PSMB7: variants seen among roughly 807,000 people sequenced by gnomAD.
PSMB7 encodes the protein proteasome 20S subunit beta 7.
In PSMB7, 5 loss-of-function variants were observed where a neutral mutation model predicts 28.1. The ratio of observed to expected loss-of-function variants is 0.18; its 90% CI spans 0.09 to 0.37. The LOEUF is 0.37. Among genes scored for constraint, PSMB7 ranks in the 10% least tolerant of loss-of-function variants. PSMB7 has a pLI of 1.00. For missense variants in PSMB7, 275 were observed against 346.2 expected (o/e 0.79, Z 1.63); for synonymous variants, 122 against 123.7 (o/e 0.99, Z 0.09).
intron 5 of PSMB7, among the ~76,000 whole-genome samples, chr9:124,401,344 T>C (rs12344916): frequency 0.27 from 41,142 of 152,200 alleles, 6,929 homozygotes; most frequent in Admixed American, 0.36. Context: ...GGGGCACTTA[T>C]CACAATGCAT....
intron 5 of PSMB7, among the ~76,000 whole-genome samples, chr9:124,391,725 G>C (rs777704528): frequency 1.3e-5 from 2 of 151,192 alleles, no homozygotes; most frequent in East Asian, 3.9e-4. Flanking sequence ...ACCAGGATTA[G>C]TAACTCACTT....
chr9:124,353,740 A>C, intron 7 of PSMB7, 31 bp from the exon 8 acceptor site: 2 of 1,509,536 alleles, frequency 1.3e-6, no homozygotes, highest in Non-Finnish European at 9.2e-7. Flanking sequence ...GCACAGAGTT[A>C]GGATTCTCCT....
chr9:124,404,631 T>A (rs1830944802), intron 5 of PSMB7, among the ~76,000 whole-genome samples: 1 of 152,114 alleles, frequency 6.6e-6, no homozygotes, highest in African/African-American at 2.4e-5. Flanking sequence ...GTGGGCAGAT[T>A]ACTTGAAGTC....
intron 4 of PSMB7, among the ~76,000 whole-genome samples, chr9:124,411,468 T>A (rs1831026680): frequency 6.6e-6 from 1 of 152,180 alleles, no homozygotes; most frequent in Admixed American, 6.5e-5. Context: ...TATTATGATA[T>A]CCATTCTACA....
At chr9:124,412,651 C>G (rs973006879) in intron 3 of PSMB7, among the ~76,000 whole-genome samples, 159 bp from the exon 4 acceptor site, 1 of 152,166 alleles carries the variant, frequency 6.6e-6, no homozygotes, top group African/African-American at 2.4e-5. Flanking sequence ...CTTAAATAAA[C>G]AGAAAATTGA....
chr9:124,370,573 A>T (rs1015472723), intron 6 of PSMB7, among the ~76,000 whole-genome samples: 3 of 152,168 alleles, frequency 2.0e-5, no homozygotes, highest in Non-Finnish European at 2.9e-5. Flanking sequence ...TCTTGGCTAG[A>T]AACAAAACTT....
chr9:124,364,414 A>G (rs1225136370), intron 6 of PSMB7, among the ~76,000 whole-genome samples: 1 of 152,140 alleles, frequency 6.6e-6, no homozygotes, highest in Non-Finnish European at 1.5e-5. Context: ...GAAAAGAACC[A>G]AAAGAGACAA....
chr9:124,368,818 C>A lies in PSMB7; in HGVS notation c.571-11903G>T, dbSNP rs921677273. 3.7e-4 allele frequency among the ~76,000 whole-genome samples: 56 copies of A among 152,290 alleles called. 1 individual carries two copies. The highest frequency in any genetic ancestry group is 1.3e-3 in the African/African-American group (53 of 41,558). ...TCCTCGTAATGATCCCTTCAAGTAC[C>A]AACTTCAGGCCATTTCATGAGAGTG... On this transcript the variant is annotated intron_variant, in intron 6 of 7. Coordinates refer to ENST00000259457, the MANE Select transcript of PSMB7 (RefSeq NM_002799.4).
chr9:124,396,651 A>G (rs1048448766), intron 5 of PSMB7: 4 of 413,122 alleles, frequency 9.7e-6, no homozygotes, highest in African/African-American at 8.4e-5. Flanking sequence ...GTATTCCTAA[A>G]TTGTCCAAGG....
intron 4 of PSMB7, 86 bp from the exon 5 acceptor site, chr9:124,405,518 G>T: frequency 2.3e-6 from 2 of 865,810 alleles, no homozygotes; most frequent in Non-Finnish European, 3.8e-6. Context: ...GAGAAGTCAG[G>T]TAACAAAAAG....
intron 5 of PSMB7, among the ~76,000 whole-genome samples, chr9:124,399,029 T>C: frequency 1.2e-5 from 1 of 84,948 alleles, no homozygotes; most frequent in African/African-American, 4.8e-5. Flanking sequence ...AAAAAAAAAG[T>C]AAAAGGACCT....
Position 124,356,724 on chromosome 9 carries a change from C to T in PSMB7, c.722+40G>A, listed in dbSNP as rs768283845. On this transcript the variant is annotated intron_variant, in intron 7 of 7. Coordinates refer to ENST00000259457, the MANE Select transcript of PSMB7 (RefSeq NM_002799.4). The surrounding 1 kb of genome is among the most constrained non-coding windows in gnomAD (Gnocchi z 4.4). ...ATGGAGATACCAAGGGTGGCCACGA[C>T]GCCAGGGGACCCAGGAAGAACTTCG... The T allele has an allele frequency of 3.5e-5, 56 of 1,592,900 alleles. No individual in the cohort carries two copies. Among genetic ancestry groups the T allele is most frequent in the East Asian group, 1.6e-4 (7 of 44,458 alleles).
At chr9:124,394,108 T>C (rs1830819212) in intron 5 of PSMB7, among the ~76,000 whole-genome samples, 1 of 152,234 alleles carries the variant, frequency 6.6e-6, no homozygotes, top group South Asian at 2.1e-4. Flanking sequence ...CTTTAATTGA[T>C]GGACTAGACA....
rs1302202519 is a variant in PSMB7 at position 124,412,339 on chromosome 9, T to C, written c.395+13A>G. On this transcript the variant is annotated intron_variant, in intron 4 of 7. Transcript: ENST00000259457. The stretch of plus-strand genomic sequence containing the variant: ...AGAAGATACTAGTAGGAATCCCCAT[T>C]CTGGAAACTTACCTGAAAAGCATCT... 2 of 1,612,938 alleles carry C rather than the reference T, an allele frequency of 1.2e-6. No individual in the cohort carries two copies. The highest frequency in any genetic ancestry group is 1.7e-5 in the Admixed American group (1 of 59,968).
chr9:124,371,567 C>T (rs757762693), intron 6 of PSMB7, among the ~76,000 whole-genome samples: 32 of 152,110 alleles, frequency 2.1e-4, no homozygotes, highest in Non-Finnish European at 3.8e-4. Context: ...TTTCTTTTCC[C>T]AATGAAAATC....
At chr9:124,371,923 T>C (rs1237730504) in intron 6 of PSMB7, among the ~76,000 whole-genome samples, 6 of 152,210 alleles carry the variant, frequency 3.9e-5, no homozygotes, top group Non-Finnish European at 7.3e-5. Context: ...GCAGACAACA[T>C]ACTTCGTGAA....
At chr9:124,379,751 G>A (rs1405916953) in intron 6 of PSMB7, among the ~76,000 whole-genome samples, 2 of 152,182 alleles carry the variant, frequency 1.3e-5, no homozygotes, top group African/African-American at 4.8e-5. Flanking sequence ...TTGGTTTGCT[G>A]ACTCTGTGCC....
intron 6 of PSMB7, among the ~76,000 whole-genome samples, chr9:124,363,898 G>A (rs1249655708): frequency 3.9e-5 from 6 of 152,098 alleles, no homozygotes; most frequent in East Asian, 1.9e-4. Context: ...GCGGCTGCAC[G>A]GCCACAATGG....
chr9:124,359,547 A>C (rs960175775), intron 6 of PSMB7, among the ~76,000 whole-genome samples: 5 of 152,200 alleles, frequency 3.3e-5, no homozygotes, highest in African/African-American at 1.2e-4. Context: ...AAAAAATAGT[A>C]AAACAGGCCC....
Sources: gnomAD v4.1 joint callset for allele counts (sites outside exome capture counted in the v4.1 genomes callset) on GRCh38, gnomAD v4.1.1 for gene constraint, Gnocchi (gnomAD v3.1) non-coding constraint, MANE v1.5 for transcripts, NCBI Gene and HGNC (gene_info 2026-07-23, HGNC 2026-07-21) for gene names.